SIK3: variants seen among roughly 807,000 people sequenced by gnomAD.
SIK3 encodes the protein SIK family kinase 3.
SIK3 carries 28 observed loss-of-function variants against 144.2 expected under a neutral mutation model. The observed-to-expected ratio is 0.19, with a 90% CI of 0.14 to 0.27. The LOEUF (loss-of-function observed/expected upper bound fraction) is 0.27, where lower values mean the gene tolerates loss of function less well. Among genes scored for constraint, SIK3 ranks in the 10% least tolerant of loss-of-function variants. SIK3 has a pLI of 1.00. For synonymous variants in SIK3, 686 were observed against 676.3 expected, an observed-to-expected ratio of 1.01 and a Z score of -0.22; for missense variants, 1,319 against 1,776.0, an observed-to-expected ratio of 0.74 and a Z score of 4.62.
At chr11:117,002,290 T>C (rs895232438) in intron 1 of SIK3, among the ~76,000 whole-genome samples, 1 of 151,816 alleles carries the variant, frequency 6.6e-6, no homozygotes, top group South Asian at 2.1e-4. Context: ...TATCACACTT[T>C]TTTGCAATTT....
At chr11:116,989,308 G>C (rs1232240205) in intron 1 of SIK3, among the ~76,000 whole-genome samples, 1 of 152,054 alleles carries the variant, frequency 6.6e-6, no homozygotes, top group Non-Finnish European at 1.5e-5. Context: ...GTCAACTTTG[G>C]AAACAATGTG....
At chr11:117,079,797 GACAC>G (rs1285970221) in intron 1 of SIK3, among the ~76,000 whole-genome samples, 2 of 151,440 alleles carry the variant, frequency 1.3e-5, no homozygotes, top group Non-Finnish European at 2.9e-5. Context: ...TTTTATATTA[GACAC>G]ACACACAAAG....
intron 1 of SIK3, among the ~76,000 whole-genome samples, chr11:117,070,988 C>T (rs1183143798): frequency 6.6e-6 from 1 of 151,944 alleles, no homozygotes; most frequent in Admixed American, 6.6e-5. Flanking sequence ...GTCGGCCTCC[C>T]AAAGTGCTGA....
chr11:117,039,674 T>C (rs1334924433), intron 1 of SIK3, among the ~76,000 whole-genome samples: 1 of 152,226 alleles, frequency 6.6e-6, no homozygotes, highest in Non-Finnish European at 1.5e-5. Flanking sequence ...GTAAAACCTA[T>C]TGTATCATAA....
chr11:116,915,124 A>ATGTGTGTGTGTGTGTGTGTGTG lies in SIK3; in HGVS notation c.616+12073_616+12094dup, dbSNP rs35059138. ...TATCATGTTTAGTAGGAAGCCATAT[A>ATGTGTGTGTGTGTGTGTGTGTG]TGTGTGTGTGTGTGTGTGTGTGTGT... On this transcript the variant is annotated intron_variant, in intron 4 of 24. Transcript: ENST00000445177. 1.9e-3 allele frequency among the ~76,000 whole-genome samples: 251 copies of ATGTGTGTGTGTGTGTGTGTGTG among 129,934 alleles called. 2 individuals carry two copies. The highest frequency in any genetic ancestry group is 5.4e-3 in the East Asian group (21 of 3,910). 85.2% of individuals were successfully genotyped at this position (129,934 alleles called of 152,430 possible). A position where few individuals can be genotyped will look rare whatever the true frequency, so the allele number is the denominator to read the frequency against.
In SIK3 at chr11:117,071,591, A is replaced by C. The variant is rs1436718716; in HGVS notation, c.273+26552T>G. 2.6e-5 allele frequency among the ~76,000 whole-genome samples: 4 copies of C among 152,062 alleles called. No individual in the cohort carries two copies. The East Asian group carries it at 5.8e-4, about 22-fold the overall frequency. Reference sequence around the variant, plus strand: ...AATAGAAGGAAGAAGGGGAAGAAGAAGGGAGGGGAAAAGAGAAATTCCAAG... The same window carrying C: ...AATAGAAGGAAGAAGGGGAAGAAGACGGGAGGGGAAAAGAGAAATTCCAAG... On this transcript the variant is annotated intron_variant, in intron 1 of 24. Transcript: ENST00000445177.
In SIK3 at chr11:116,844,641, TA is replaced by T. The variant is rs1401842839; in HGVS notation, c.*1001del. 2 of 69,868 alleles carry T rather than the reference TA, an allele frequency of 2.9e-5. No individual in the cohort carries two copies. Among genetic ancestry groups the T allele is most frequent in the Admixed American group, 2.8e-4 (2 of 7,028 alleles). The allele number at this position is 69,868 out of a possible 1,614,324, so 4.3% of individuals were successfully genotyped here. On this transcript the variant is annotated 3_prime_UTR_variant, in exon 25 of 25. Coordinates refer to ENST00000445177, the MANE Select transcript of SIK3 (RefSeq NM_001366686.3). ...ATAATATATATATAATATATTATAT[TA>T]TATATTATATATATAATATATATAT...
chr11:117,077,754 T>G (rs563537183), intron 1 of SIK3, among the ~76,000 whole-genome samples: 1 of 152,182 alleles, frequency 6.6e-6, no homozygotes, highest in Non-Finnish European at 1.5e-5. Context: ...ACAAGCTCAT[T>G]TTCTACCCAG....
At chr11:117,091,200 C>CTTTTTTTTTTTTTTTTTT (rs386375011) in intron 1 of SIK3, among the ~76,000 whole-genome samples, 2 of 93,004 alleles carry the variant, frequency 2.2e-5, no homozygotes, top group Non-Finnish European at 3.9e-5. Context: ...TTTTTTTTTT[C>CTTTTTTTTTTTTTTTTTT]TTTTTTTTTT....
intron 4 of SIK3, among the ~76,000 whole-genome samples, chr11:116,921,167 G>A (rs1946949044): frequency 6.6e-6 from 1 of 152,062 alleles, no homozygotes; most frequent in African/African-American, 2.4e-5. Flanking sequence ...ACCTTGCCTG[G>A]GTGCTCTTTA....
In SIK3 at chr11:116,859,614, A is replaced by G; in HGVS notation, c.2426-10T>C. The stretch of plus-strand genomic sequence containing the variant: ...GAAGAAGATGCAGCCCCTGGAGAGA[A>G]AGGAACCTCAGAGTGACCAAGTGCC... On this transcript the variant is annotated splice_polypyrimidine_tract_variant and intron_variant, in intron 19 of 24. Coordinates refer to ENST00000445177, the MANE Select transcript of SIK3 (RefSeq NM_001366686.3). 1 of 1,611,018 alleles carries G rather than the reference A, an allele frequency of 6.2e-7. No individual in the cohort carries two copies.
intron 11 of SIK3, among the ~76,000 whole-genome samples, chr11:116,874,643 GA>G (rs766329515): frequency 2.6e-5 from 4 of 152,210 alleles, no homozygotes; most frequent in Non-Finnish European, 4.4e-5. Context: ...CATAGGCTGA[GA>G]ACAAGAGACA....
intron 18 of SIK3, 61 bp downstream of exon 18, chr11:116,861,780 C>A: frequency 8.6e-7 from 1 of 1,158,926 alleles, no homozygotes; most frequent in South Asian, 1.3e-5. Context: ...CCCAGTGAGT[C>A]AAGCCAAGGG....
intron 3 of SIK3, among the ~76,000 whole-genome samples, chr11:116,948,286 A>T (rs994480097): frequency 6.8e-6 from 1 of 146,654 alleles, no homozygotes; most frequent in Non-Finnish European, 1.5e-5. Flanking sequence ...AATCATTTTT[A>T]TTTTTTTTTA....
intron 6 of SIK3, 93 bp downstream of exon 6, chr11:116,896,160 G>C: frequency 6.5e-7 from 1 of 1,529,660 alleles, no homozygotes; most frequent in Non-Finnish European, 8.9e-7. Context: ...TTGTAAGTGG[G>C]CCATTTATAC....
chr11:117,046,371 C>T (rs968900896), intron 1 of SIK3, among the ~76,000 whole-genome samples: 3 of 152,124 alleles, frequency 2.0e-5, no homozygotes, highest in Non-Finnish European at 4.4e-5. Flanking sequence ...ATATCCTTTG[C>T]GGCACTATTC....
intron 4 of SIK3, among the ~76,000 whole-genome samples, chr11:116,907,249 C>T (rs973889143): frequency 3.9e-5 from 6 of 152,180 alleles, no homozygotes; most frequent in African/African-American, 4.8e-5. Flanking sequence ...CAGCCTATAA[C>T]GCCAGTTCTC....
At chr11:116,983,129 A>G (rs1950207104) in intron 1 of SIK3, among the ~76,000 whole-genome samples, 2 of 151,706 alleles carry the variant, frequency 1.3e-5, no homozygotes. Flanking sequence ...CGGGAGGCTG[A>G]GGCAGGAGAA....
At chr11:117,073,293 C>T (rs1399574916) in intron 1 of SIK3, among the ~76,000 whole-genome samples, 1 of 152,110 alleles carries the variant, frequency 6.6e-6, no homozygotes, top group Admixed American at 6.5e-5. Context: ...CTCTTTCAGC[C>T]CAAATCATCC....
Sources: allele counts gnomAD v4.1 joint callset (sites outside exome capture counted in the v4.1 genomes callset), GRCh38; gene constraint gnomAD v4.1.1; transcripts MANE v1.5; gene names NCBI Gene and HGNC (gene_info 2026-07-23, HGNC 2026-07-21).